CPA5: variants seen among roughly 807,000 people sequenced by gnomAD.
CPA5 encodes testicular tissue protein Li 32.
A neutral mutation model predicts 52.2 loss-of-function variants in CPA5; 38 were observed. The observed-to-expected ratio is 0.73, with a 90% CI of 0.56 to 0.95. The LOEUF is 0.95. CPA5 is among the 40% of genes least tolerant of loss of function. CPA5 has a pLI of 0.00. For missense variants in CPA5, 519 were observed against 566.7 expected (o/e 0.92, Z 0.86); for synonymous variants, 198 against 213.7 (o/e 0.93, Z 0.64).
downstream of CPA5, among the ~76,000 whole-genome samples, chr7:130,373,534 T>G (rs1796313522): frequency 6.6e-6 from 1 of 152,218 alleles, no homozygotes; most frequent in Non-Finnish European, 1.5e-5. Flanking sequence ...GAGGCCAGGC[T>G]GGCCGGGAGG....
At chr7:130,347,931 C>G (rs1484925541) in intron 4 of CPA5, 84 bp downstream of exon 4, 7 of 1,011,256 alleles carry the variant, frequency 6.9e-6, no homozygotes, top group Non-Finnish European at 1.1e-5. Flanking sequence ...CCCCCTTTAT[C>G]CCAAACCTGC....
At chr7:130,362,580 G>C in intron 8 of CPA5, 41 bp downstream of exon 8, 1 of 1,422,254 alleles carries the variant, frequency 7.0e-7, no homozygotes, top group Non-Finnish European at 9.9e-7. Flanking sequence ...CACGATGGGG[G>C]CTGCAACTGG....
chr7:130,369,523 C>T (rs1554409635), downstream of CPA5, among the ~76,000 whole-genome samples: 2 of 152,128 alleles, frequency 1.3e-5, no homozygotes. Flanking sequence ...GCAGATAACC[C>T]CTAGAAACAG....
At chr7:130,351,625 T>C (rs1795148697) in intron 5 of CPA5, among the ~76,000 whole-genome samples, 1 of 152,122 alleles carries the variant, frequency 6.6e-6, no homozygotes, top group Non-Finnish European at 1.5e-5. Context: ...TATTTTGGCT[T>C]AGAGGGAGCT....
intron 10 of CPA5, among the ~76,000 whole-genome samples, chr7:130,365,958 C>T (rs891815248): frequency 6.6e-6 from 1 of 152,234 alleles, no homozygotes; most frequent in Non-Finnish European, 1.5e-5. Flanking sequence ...CCGGCACATC[C>T]CCTTCTAACC....
At position 130,347,858 on chromosome 7, in the gene CPA5, C is replaced by T; in HGVS notation, c.198+11C>T. On this transcript the variant is annotated intron_variant, in intron 4 of 12. Transcript: ENST00000474905. Reference sequence around the variant, plus strand: ...CTGAAACCCCAGAAGGTGAGGACTCCTCAGGCTTGAGGACAACCCCACCCC... The same window carrying T: ...CTGAAACCCCAGAAGGTGAGGACTCTTCAGGCTTGAGGACAACCCCACCCC... The T allele has an allele frequency of 1.2e-6, 2 of 1,611,970 alleles. No homozygotes were observed. The highest frequency in any genetic ancestry group is 2.2e-5 in the East Asian group (1 of 44,872).
intron 9 of CPA5, 38 bp downstream of exon 9, chr7:130,363,032 C>T (rs782258043): frequency 7.9e-7 from 1 of 1,263,758 alleles, no homozygotes; most frequent in South Asian, 1.2e-5. Flanking sequence ...AGGGGGTCAG[C>T]TCTAGGGGGA....
Position 130,362,912 on chromosome 7 carries a change from T to C in CPA5, c.665T>C (p.Val222Ala). ...GTCAGTGATTATGGCAAAGACCGTG[T>C]CCTGACAGACATACTGAATGCCATG... ...KIVSDYGKDR[V>A]LTDILNAMDI... is the part of the protein sequence containing the mutation. The change falls in exon 9 of 13, where the codon GTC becomes GCC. Residue 222 changes from valine (V) to alanine (A), a missense_variant. Physicochemically the swap from Val to Ala is moderately conservative, Grantham distance 64 (BLOSUM62 0). Coordinates refer to ENST00000474905, the MANE Select transcript of CPA5 (RefSeq NM_080385.5). 4 of 1,613,546 alleles carry C rather than the reference T, an allele frequency of 2.5e-6. No individual in the cohort carries two copies. In the South Asian group the frequency reaches 4.4e-5, roughly 18 times the overall value.
intron 5 of CPA5, among the ~76,000 whole-genome samples, chr7:130,358,598 A>C (rs1216720997): frequency 6.6e-6 from 1 of 152,164 alleles, no homozygotes; most frequent in East Asian, 1.9e-4. Flanking sequence ...GCTGCAAACA[A>C]AGGGCAACTC....
chr7:130,365,179 G>T (rs960452672), intron 10 of CPA5, among the ~76,000 whole-genome samples: 1 of 152,184 alleles, frequency 6.6e-6, no homozygotes, highest in Non-Finnish European at 1.5e-5. Flanking sequence ...TGGCCCTAGC[G>T]TGGGGGTTGT....
chr7:130,346,251 C>G, intron 2 of CPA5, 142 bp from the exon 3 acceptor site: 1 of 418,084 alleles, frequency 2.4e-6, no homozygotes. Context: ...AAGCTAAGGC[C>G]TGTCTTCCTC....
downstream of CPA5, chr7:130,368,866 T>C: frequency 2.2e-6 from 1 of 462,504 alleles, no homozygotes; most frequent in South Asian, 3.4e-5. Flanking sequence ...TTCAGGAAAA[T>C]AAGGGGGTAG....
chr7:130,367,700 C>CG, intron 11 of CPA5, 129 bp downstream of exon 11: 2 of 975,478 alleles, frequency 2.1e-6, no homozygotes, highest in South Asian at 2.9e-5. Context: ...CCCCATGGTG[C>CG]GGGGGTGGGG....
chr7:130,373,374 T>C (rs1390197050), downstream of CPA5, among the ~76,000 whole-genome samples: 1 of 152,004 alleles, frequency 6.6e-6, no homozygotes, highest in Non-Finnish European at 1.5e-5. Flanking sequence ...GAGCATTTAT[T>C]TAAAAGAAAA....
chr7:130,360,184 G>A (rs545648479), intron 6 of CPA5, among the ~76,000 whole-genome samples: 1 of 152,356 alleles, frequency 6.6e-6, no homozygotes, highest in South Asian at 2.1e-4. Flanking sequence ...TGACTGTGAA[G>A]CCACATTTTG....
chr7:130,348,454 C>CATG (rs1345267466), intron 4 of CPA5, among the ~76,000 whole-genome samples: 1 of 152,192 alleles, frequency 6.6e-6, no homozygotes, highest in Non-Finnish European at 1.5e-5. Context: ...GACTGGGACT[C>CATG]ATGATGCTTT....
chr7:130,365,681 T>C (rs1796039675), intron 10 of CPA5, among the ~76,000 whole-genome samples: 1 of 152,266 alleles, frequency 6.6e-6, no homozygotes, highest in Non-Finnish European at 1.5e-5. Context: ...ATTAGTTTAT[T>C]CTGCTTAGCT....
chr7:130,360,282 T>G (rs1249367895), intron 6 of CPA5, among the ~76,000 whole-genome samples: 1 of 152,240 alleles, frequency 6.6e-6, no homozygotes, highest in African/African-American at 2.4e-5. Context: ...AGTCCTTGTG[T>G]TCAGTGGCCC....
the CPA5 span, among the ~76,000 whole-genome samples, chr7:130,374,482 T>G: frequency 6.6e-6 from 1 of 152,190 alleles, no homozygotes; most frequent in Non-Finnish European, 1.5e-5. Context: ...TCCTGCCCTG[T>G]CAGCCCACCT....
Sources: allele counts gnomAD v4.1 joint callset (sites outside exome capture counted in the v4.1 genomes callset), GRCh38; gene constraint gnomAD v4.1.1; transcripts MANE v1.5; gene names NCBI Gene and HGNC (gene_info 2026-07-23, HGNC 2026-07-21).